SEL1L: variants seen among roughly 807,000 people sequenced by gnomAD.
The protein encoded by SEL1L is SEL1L adaptor subunit of SYVN1 ubiquitin ligase, also known as protein sel-1 homolog 1.
In SEL1L, 52 loss-of-function variants were observed where a neutral mutation model predicts 109.8. The ratio of observed to expected loss-of-function variants is 0.47; its 90% CI spans 0.38 to 0.60. SEL1L has a LOEUF of 0.60. Ranked by LOEUF, SEL1L falls within the 20% of genes least tolerant of loss-of-function variation. SEL1L has a pLI of 0.00. For missense variants in SEL1L, 749 were observed against 962.2 expected, an observed-to-expected ratio of 0.78 and a Z score of 2.93; for synonymous variants, 373 against 339.6, an observed-to-expected ratio of 1.10 and a Z score of -1.08.
chr14:81,510,514 C>CTCTCTCTCTCTCTATATATA (rs35474067), intron 3 of SEL1L, among the ~76,000 whole-genome samples: 16 of 104,076 alleles, frequency 1.5e-4, no homozygotes, highest in Middle Eastern at 7.5e-3. Flanking sequence ...CTCTCTCTCT[C>CTCTCTCTCTCTCTATATATA]TATATATATA....
At chr14:81,501,138 T>G (rs1396953306) in intron 6 of SEL1L, among the ~76,000 whole-genome samples, 1 of 152,176 alleles carries the variant, frequency 6.6e-6, no homozygotes, top group African/African-American at 2.4e-5. Flanking sequence ...CGTGTAGCAA[T>G]CAGTGTAGCT....
intron 1 of SEL1L, among the ~76,000 whole-genome samples, chr14:81,530,102 T>C (rs551787215): frequency 6.6e-6 from 1 of 152,262 alleles, no homozygotes; most frequent in Non-Finnish European, 1.5e-5. Context: ...ACCAGAGATA[T>C]GCTTTCAGGG....
Position 81,526,858 on chromosome 14 carries a change from A to T in SEL1L, c.215T>A (p.Ile72Asn), listed in dbSNP as rs146808798. ...DSEESELESS[I>N]QEEEDSLKSQ... ...CTTGAGGCTGTCTTCCTCTTCTTGAATAGAGGATTCTAATTCAGATTCTTC... is the reference window on the plus strand; with the variant it reads ...CTTGAGGCTGTCTTCCTCTTCTTGATTAGAGGATTCTAATTCAGATTCTTC... The change falls in exon 3 of 21, where the codon ATT becomes AAT. Residue 72 changes from isoleucine (I) to asparagine (N), a missense_variant. Around this residue, in one of 2 missense-constraint regions of SEL1L, gnomAD observed 366 missense variants for 399.8 expected, o/e 0.92. Coordinates refer to ENST00000336735, the MANE Select transcript of SEL1L (RefSeq NM_005065.6). 1.2e-6 allele frequency: 2 copies of T among 1,600,860 alleles called. No homozygotes were observed. The highest frequency in any genetic ancestry group is 2.7e-5 in the African/African-American group (2 of 73,986).
intron 1 of SEL1L, 94 bp downstream of exon 1, chr14:81,533,581 G>T (rs900939587): frequency 1.7e-6 from 2 of 1,192,742 alleles, no homozygotes; most frequent in Non-Finnish European, 2.4e-6. Flanking sequence ...CAGGGAGAAC[G>T]GGGTCCCGAG....
chr14:81,487,679 C>T (rs1903562883), intron 15 of SEL1L, 141 bp from the exon 16 acceptor site: 1 of 1,507,664 alleles, frequency 6.6e-7, no homozygotes, highest in Non-Finnish European at 8.8e-7. Flanking sequence ...AGCTAACACA[C>T]TGATACAGAT....
intron 12 of SEL1L, among the ~76,000 whole-genome samples, chr14:81,491,302 C>A (rs932246436): frequency 6.6e-6 from 1 of 152,062 alleles, no homozygotes; most frequent in Non-Finnish European, 1.5e-5. Context: ...ATTAGAGCAT[C>A]AGGTATGGAG....
chr14:81,527,006 CT>C, intron 2 of SEL1L, 42 bp from the exon 3 acceptor site: 2 of 1,418,082 alleles, frequency 1.4e-6, no homozygotes, highest in Non-Finnish European at 2.0e-6. Flanking sequence ...AATGCCAAGA[CT>C]TTCCCCAACC....
At chr14:81,503,280 C>T (rs1884091866) in intron 5 of SEL1L, among the ~76,000 whole-genome samples, 2 of 152,204 alleles carry the variant, frequency 1.3e-5, no homozygotes, top group African/African-American at 4.8e-5. Context: ...CCTAGCCACC[C>T]CCTCTGATAA....
intron 19 of SEL1L, 89 bp from the exon 20 acceptor site, chr14:81,479,829 T>C (rs1301574738): frequency 8.3e-7 from 1 of 1,199,136 alleles, no homozygotes; most frequent in Non-Finnish European, 1.1e-6. Flanking sequence ...TATTTTACCT[T>C]TGAGGTTTTC....
chr14:81,477,382 T>C (rs1265643593), intron 20 of SEL1L, among the ~76,000 whole-genome samples: 1 of 151,454 alleles, frequency 6.6e-6, no homozygotes, highest in African/African-American at 2.4e-5. Flanking sequence ...AAATAATGTG[T>C]CTGAGGAATT....
intron 5 of SEL1L, 70 bp from the exon 6 acceptor site, chr14:81,502,953 C>T (rs994970050): frequency 1.6e-6 from 2 of 1,229,450 alleles, no homozygotes; most frequent in South Asian, 1.5e-5. Context: ...TTTTGATCTA[C>T]TAAAACGCAA....
At chr14:81,479,776 G>C in intron 19 of SEL1L, 36 bp from the exon 20 acceptor site, 1 of 1,536,524 alleles carries the variant, frequency 6.5e-7, no homozygotes, top group South Asian at 1.2e-5. Flanking sequence ...TGCATTTCTT[G>C]TCAAAATAAG....
At chr14:81,502,582 T>G in intron 6 of SEL1L, 139 bp downstream of exon 6, 1 of 803,520 alleles carries the variant, frequency 1.2e-6, no homozygotes, top group Non-Finnish European at 2.0e-6. Flanking sequence ...CCAAGAAGAC[T>G]GATAAAATGG....
rs949158252 is a variant in SEL1L at position 81,475,706 on chromosome 14, A to T, written c.*1266T>A. On this transcript the variant is annotated 3_prime_UTR_variant, in exon 21 of 21. Transcript: ENST00000336735. The stretch of plus-strand genomic sequence containing the variant: ...CGTGTGTAATTATGTGAAACTCTTC[A>T]GTTTTTTTCCCATACTATTTAACCA... The T allele has an allele frequency of 6.6e-6, 1 of 152,216 alleles. No individual in the cohort carries two copies. The highest frequency in any genetic ancestry group is 1.5e-5 in the Non-Finnish European group (1 of 68,036). 9.4% of individuals were successfully genotyped at this position (152,216 alleles called of 1,614,324 possible). A position where few individuals can be genotyped will look rare whatever the true frequency, so the allele number is the denominator to read the frequency against.
chr14:81,530,708 A>C (rs1885288233), intron 1 of SEL1L, among the ~76,000 whole-genome samples: 1 of 152,218 alleles, frequency 6.6e-6, no homozygotes, highest in African/African-American at 2.4e-5. Context: ...TTAATAGAAA[A>C]GAGAAAATGT....
At chr14:81,477,341 A>G (rs1903197187) in intron 20 of SEL1L, among the ~76,000 whole-genome samples, 160 bp from the exon 21 acceptor site, 1 of 81,436 alleles carries the variant, frequency 1.2e-5, no homozygotes. Context: ...GTGTGTTTAA[A>G]GCGGTTTTAA....
At chr14:81,511,662 T>A (rs1595526482) in intron 3 of SEL1L, among the ~76,000 whole-genome samples, 1 of 152,258 alleles carries the variant, frequency 6.6e-6, no homozygotes, top group African/African-American at 2.4e-5. Context: ...TTAATATGAT[T>A]GCTAGGTTAA....
At position 81,490,291 on chromosome 14, in the gene SEL1L, A is replaced by G. The variant is rs760975388; in HGVS notation, c.1332+97T>C. ...ATATGCAGTTTCAATAATGTATAGC[A>G]TGAGTTGGTTATGATTAACCCTTTA... is the stretch of plus-strand genomic sequence containing the variant. On this transcript the variant is annotated intron_variant, in intron 13 of 20. Transcript: ENST00000336735. 20 of 848,798 alleles carry G rather than the reference A, an allele frequency of 2.4e-5. No homozygotes were observed. In the African/African-American group the frequency reaches 2.9e-4, roughly 12 times the overall value. 52.6% of individuals were successfully genotyped at this position (848,798 alleles called of 1,614,324 possible).
chr14:81,484,453 T>G lies in SEL1L; in HGVS notation c.1874-56A>C, dbSNP rs1024160296. On this transcript the variant is annotated intron_variant, in intron 18 of 20. Transcript: ENST00000336735. ...ATAAATAAAGTATGTTTAAAACAGATCAAACTTTTTTCTCCTCCCATTGAC... is the reference window on the plus strand; with the variant it reads ...ATAAATAAAGTATGTTTAAAACAGAGCAAACTTTTTTCTCCTCCCATTGAC... 3 of 1,488,546 alleles carry G rather than the reference T, an allele frequency of 2.0e-6. No homozygotes were observed. In the African/African-American group the frequency reaches 4.1e-5, roughly 21 times the overall value. 92.2% of individuals were successfully genotyped at this position (1,488,546 alleles called of 1,614,324 possible).
Sources: allele counts gnomAD v4.1 joint callset (sites outside exome capture counted in the v4.1 genomes callset), GRCh38; gene constraint gnomAD v4.1.1; regional missense constraint gnomAD v4.1.1; transcripts MANE v1.5; gene names NCBI Gene and HGNC (gene_info 2026-07-23, HGNC 2026-07-21).